Variants in ADARB1 observed in about 807,000 individuals in gnomAD.
ADARB1 encodes double-stranded RNA-specific editase 1.
In ADARB1, 10 loss-of-function variants were observed where a neutral mutation model predicts 52.4. That is an observed-to-expected ratio of 0.19 (90% confidence interval 0.12 to 0.32). The LOEUF (loss-of-function observed/expected upper bound fraction) is 0.32, where lower values mean the gene tolerates loss of function less well. ADARB1 is among the 10% of genes least tolerant of loss of function. The probability of loss-of-function intolerance (pLI) is 1.00; values close to 1 mark genes in which losing one functional copy is unlikely to be tolerated. For synonymous variants in ADARB1, 349 were observed against 371.1 expected (o/e 0.94, Z 0.68); for missense variants, 643 against 922.3 (o/e 0.70, Z 3.92).
At chr21:45,139,256 C>A (rs1214993187) in intron 2 of ADARB1, among the ~76,000 whole-genome samples, 2 of 152,142 alleles carry the variant, frequency 1.3e-5, no homozygotes, top group Non-Finnish European at 2.9e-5. Flanking sequence ...TAGAAAACTT[C>A]TTCTGTTCTG....
intron 9 of ADARB1, among the ~76,000 whole-genome samples, chr21:45,214,990 TG>T (rs2092834606): frequency 6.6e-6 from 1 of 152,194 alleles, no homozygotes; most frequent in Non-Finnish European, 1.5e-5. Flanking sequence ...CATGTCATCT[TG>T]GGGGAACACA....
In ADARB1 at chr21:45,121,482, C is replaced by T. The variant is rs559442227; in HGVS notation, c.-219-6920C>T. Among the ~76,000 whole-genome samples the T allele has an allele frequency of 3.9e-5, 6 of 152,172 alleles. No individual in the cohort carries two copies. The South Asian group carries it at 6.2e-4, about 16-fold the overall frequency. ...CAGCCTGACTGTCCCCCTGTGCTCC[C>T]GCATCATTTCTCTGTGCTGTGTCTG... On this transcript the variant is annotated intron_variant, in intron 1 of 10. Transcript: ENST00000348831.
intron 8 of ADARB1, among the ~76,000 whole-genome samples, chr21:45,187,668 G>A (rs138217262): frequency 3.6e-4 from 55 of 152,108 alleles, no homozygotes; most frequent in African/African-American, 1.3e-3. Context: ...CCTTTATTAC[G>A]TTGAGTTAGT....
chr21:45,200,463 A>G lies in ADARB1; in HGVS notation c.1566-4092A>G, dbSNP rs2092528165. 6.6e-6 allele frequency among the ~76,000 whole-genome samples: 1 copy of G among 152,210 alleles called. No homozygotes were observed. Among genetic ancestry groups the G allele is most frequent in the Admixed American group, 6.5e-5 (1 of 15,280 alleles). ...CTCAGCTGCACAGAGCTGTGGGAACAAACAAGACCATCCAGAGGAGGACCA... is the reference window on the plus strand; with the variant it reads ...CTCAGCTGCACAGAGCTGTGGGAACGAACAAGACCATCCAGAGGAGGACCA... On this transcript the variant is annotated intron_variant, in intron 8 of 10. Coordinates refer to ENST00000348831, the MANE Select transcript of ADARB1 (RefSeq NM_001112.4). The surrounding 1 kb of genome is among the most constrained non-coding windows in gnomAD (Gnocchi z 5.0).
At chr21:45,149,962 C>T (rs1358804354) in intron 2 of ADARB1, among the ~76,000 whole-genome samples, 1 of 152,194 alleles carries the variant, frequency 6.6e-6, no homozygotes, top group East Asian at 1.9e-4. Flanking sequence ...ATGTTTGCTA[C>T]CACTTGATCT....
chr21:45,137,237 A>G (rs1437802655), intron 2 of ADARB1: 3 of 152,286 alleles, frequency 2.0e-5, no homozygotes, highest in Non-Finnish European at 2.9e-5. Flanking sequence ...CTTTTTCTAC[A>G]TGGAGGGACT....
In ADARB1 at chr21:45,085,611, G is replaced by A. The variant is rs12482981; in HGVS notation, c.-220+10818G>A. Among the ~76,000 whole-genome samples the A allele has an allele frequency of 8.8e-3, 1,347 of 152,258 alleles. 22 individuals carry two copies. The highest frequency in any genetic ancestry group is 0.021 in the African/African-American group (871 of 41,542). On this transcript the variant is annotated intron_variant, in intron 1 of 10. Transcript: ENST00000348831. ...ACATACTATGTATGTATGTACCCAG[G>A]AGCAGAGCAGGGTTAAAAGTGACAT...
chr21:45,081,545 A>T (rs1403931931), intron 1 of ADARB1, among the ~76,000 whole-genome samples: 4 of 152,196 alleles, frequency 2.6e-5, no homozygotes, highest in African/African-American at 9.7e-5. Context: ...GGGTAGGTGT[A>T]TTGAATGCTT....
chr21:45,135,066 T>C (rs151208407), intron 2 of ADARB1, among the ~76,000 whole-genome samples: 2,516 of 152,288 alleles, frequency 0.017, 28 homozygotes, highest in Non-Finnish European at 0.026. Flanking sequence ...AAAGGAAGAA[T>C]CTGCAACAGA....
intron 4 of ADARB1, among the ~76,000 whole-genome samples, chr21:45,178,203 A>G (rs1253027856): frequency 2.0e-5 from 3 of 152,192 alleles, no homozygotes; most frequent in Admixed American, 1.3e-4. Flanking sequence ...GCCAGTAGAG[A>G]TGTCACCCCT....
chr21:45,225,564 C>T lies in ADARB1; in HGVS notation c.*3367C>T, dbSNP rs571783011. On this transcript the variant is annotated 3_prime_UTR_variant, in exon 11 of 11. Transcript: ENST00000348831. ...TCACACAGGTACACTGAGGAGGGGA[C>T]GGCTCCGTCTTCACATTGTGCACAG... The T allele has an allele frequency of 3.9e-5, 52 of 1,338,218 alleles. No individual in the cohort carries two copies. The South Asian group carries it at 8.5e-4, about 22-fold the overall frequency. 82.9% of individuals were successfully genotyped at this position (1,338,218 alleles called of 1,614,324 possible). A position where few individuals can be genotyped will look rare whatever the true frequency, so the allele number is the denominator to read the frequency against.
At chr21:45,102,376 A>G (rs1007152995) in intron 1 of ADARB1, among the ~76,000 whole-genome samples, 7 of 152,208 alleles carry the variant, frequency 4.6e-5, no homozygotes, top group Non-Finnish European at 8.8e-5. Flanking sequence ...AAAGAAGGGG[A>G]TGGATTCAAG....
intron 3 of ADARB1, among the ~76,000 whole-genome samples, chr21:45,173,381 T>C (rs939748275): frequency 1.2e-4 from 19 of 152,180 alleles, no homozygotes; most frequent in Admixed American, 1.1e-3. Flanking sequence ...AGTTTTAGTA[T>C]TTTCCTTTAT....
chr21:45,134,760 G>A (rs936191619), intron 2 of ADARB1: 1 of 532,692 alleles, frequency 1.9e-6, no homozygotes, highest in Non-Finnish European at 3.9e-6. Context: ...CATCCAGCGA[G>A]CATTGAGGAC....
At chr21:45,180,948 C>G (rs1377124241) in intron 5 of ADARB1, among the ~76,000 whole-genome samples, 2 of 152,184 alleles carry the variant, frequency 1.3e-5, no homozygotes, top group Non-Finnish European at 2.9e-5. Context: ...GCAAAAGGAA[C>G]CCCCGAGTCC....
chr21:45,222,929 A>G lies in ADARB1; in HGVS notation c.*732A>G. The G allele has an allele frequency of 1.0e-6, 1 of 985,482 alleles. No homozygotes were observed. The highest frequency in any genetic ancestry group is 1.2e-6 in the Non-Finnish European group (1 of 829,948). The allele number at this position is 985,482 out of a possible 1,614,324, so 61.0% of individuals were successfully genotyped here. A position where few individuals can be genotyped will look rare whatever the true frequency, so the allele number is the denominator to read the frequency against. ...CCCTGTAGCCCTCAGCCTCCTCTAG[A>G]AGCTTCTGTACTCCTTGTAGGATCA... On this transcript the variant is annotated 3_prime_UTR_variant, in exon 11 of 11. Coordinates refer to ENST00000348831, the MANE Select transcript of ADARB1 (RefSeq NM_001112.4).
chr21:45,185,168 C>A, intron 8 of ADARB1, 77 bp downstream of exon 8: 1 of 1,529,688 alleles, frequency 6.5e-7, no homozygotes, highest in Non-Finnish European at 8.9e-7. Flanking sequence ...CTCCCTTTTC[C>A]ACAACCATTT....
intron 1 of ADARB1, among the ~76,000 whole-genome samples, chr21:45,085,687 G>A (rs1186703135): frequency 6.6e-6 from 1 of 152,140 alleles, no homozygotes; most frequent in Non-Finnish European, 1.5e-5. Flanking sequence ...TTGTTGTCAC[G>A]TAGTAGATGT....
At chr21:45,182,309 A>T (rs926348000) in intron 5 of ADARB1, among the ~76,000 whole-genome samples, 4 of 152,212 alleles carry the variant, frequency 2.6e-5, no homozygotes, top group African/African-American at 9.6e-5. Context: ...ACCAGAGGAA[A>T]TGACTTCCTT....
Sources: allele counts gnomAD v4.1 joint callset (sites outside exome capture counted in the v4.1 genomes callset), GRCh38; gene constraint gnomAD v4.1.1; non-coding constraint Gnocchi (gnomAD v3.1); transcripts MANE v1.5; gene names NCBI Gene and HGNC (gene_info 2026-07-23, HGNC 2026-07-21).